MEF2C: variants seen among roughly 807,000 people sequenced by gnomAD.
MEF2C encodes myocyte-specific enhancer factor 2C.
In MEF2C, 6 loss-of-function variants were observed where a neutral mutation model predicts 50.5. The ratio of observed to expected loss-of-function variants is 0.12; its 90% CI spans 0.07 to 0.23. The LOEUF is 0.23. Among genes scored for constraint, MEF2C ranks in the 10% least tolerant of loss-of-function variants. MEF2C has a pLI of 1.00. For missense variants in MEF2C, 276 were observed against 605.0 expected (o/e 0.46, Z 5.70); for synonymous variants, 183 against 228.0 (o/e 0.80, Z 1.78).
At chr5:88,902,321 G>T (rs557772476) in intron 1 of MEF2C, among the ~76,000 whole-genome samples, 16 of 151,716 alleles carry the variant, frequency 1.1e-4, no homozygotes, top group African/African-American at 3.9e-4. Flanking sequence ...GCTTGAAATC[G>T]CAATAAATAC....
chr5:88,803,237 C>T (rs1045828231), intron 3 of MEF2C, among the ~76,000 whole-genome samples: 1 of 152,168 alleles, frequency 6.6e-6, no homozygotes, highest in Non-Finnish European at 1.5e-5. Context: ...GTATTTTAAG[C>T]ACATATCACC....
chr5:88,832,991 C>T (rs1561255400), intron 1 of MEF2C, among the ~76,000 whole-genome samples: 1 of 152,074 alleles, frequency 6.6e-6, no homozygotes, highest in Non-Finnish European at 1.5e-5. Flanking sequence ...GGACATTAGC[C>T]TTGATGGGAC....
chr5:88,730,332 C>T, intron 7 of MEF2C, 98 bp from the exon 8 acceptor site: 3 of 1,314,646 alleles, frequency 2.3e-6, no homozygotes, highest in Non-Finnish European at 3.2e-6. Context: ...TTCCGATAGA[C>T]ACAACAGTTT....
intron 3 of MEF2C, among the ~76,000 whole-genome samples, chr5:88,795,607 C>G (rs539376673): frequency 9.1e-4 from 138 of 152,314 alleles, no homozygotes; most frequent in African/African-American, 3.2e-3. Context: ...TTGACTTCTT[C>G]TTTTCCTATT....
chr5:88,823,973 C>A (rs760524051), intron 1 of MEF2C, 43 bp from the exon 2 acceptor site: 1 of 1,380,148 alleles, frequency 7.2e-7, no homozygotes, highest in South Asian at 2.0e-5. Flanking sequence ...AACAGCAAGT[C>A]AGTTTCATAA....
At chr5:88,779,867 G>T (rs544656456) in intron 3 of MEF2C, among the ~76,000 whole-genome samples, 9 of 151,780 alleles carry the variant, frequency 5.9e-5, no homozygotes, top group African/African-American at 1.7e-4. Context: ...GCCAGGCACA[G>T]TGTCTCATGT....
intron 3 of MEF2C, chr5:88,769,832 G>T: frequency 2.8e-6 from 1 of 353,486 alleles, no homozygotes; most frequent in Non-Finnish European, 4.0e-6. Context: ...TTTTGGTAGA[G>T]ATGGGGTCTC....
At chr5:88,869,520 TACC>T (rs1828844573) in intron 1 of MEF2C, among the ~76,000 whole-genome samples, 1 of 151,474 alleles carries the variant, frequency 6.6e-6, no homozygotes, top group African/African-American at 2.4e-5. Context: ...GATATTTAAA[TACC>T]ATGAACTGTA....
intron 6 of MEF2C, chr5:88,735,660 G>C (rs534489529): frequency 2.8e-4 from 271 of 985,172 alleles, no homozygotes; most frequent in Non-Finnish European, 3.0e-4. Flanking sequence ...ACTCATATTA[G>C]TGTCAATACA....
At chr5:88,811,636 G>A (rs566948559) in intron 2 of MEF2C, among the ~76,000 whole-genome samples, 30 of 151,972 alleles carry the variant, frequency 2.0e-4, no homozygotes, top group Middle Eastern at 3.4e-3. Flanking sequence ...ATACATTATC[G>A]CCTCTAATTT....
chr5:88,735,898 G>C (rs1380424299), intron 6 of MEF2C: 25 of 985,218 alleles, frequency 2.5e-5, no homozygotes, highest in Non-Finnish European at 2.9e-5. Context: ...TTATTTGGAT[G>C]TTTAGGCATT....
At chr5:88,838,037 T>G (rs1252158991) in intron 1 of MEF2C, among the ~76,000 whole-genome samples, 1 of 152,000 alleles carries the variant, frequency 6.6e-6, no homozygotes, top group Non-Finnish European at 1.5e-5. Flanking sequence ...AGAGCTATAA[T>G]CAATATCAAT....
In MEF2C at chr5:88,717,244, C is replaced by T. The variant is rs1255950591; in HGVS notation, c.*5360G>A. 5 of 152,224 alleles carry T rather than the reference C, an allele frequency of 3.3e-5. No homozygotes were observed. Among genetic ancestry groups the T allele is most frequent in the African/African-American group, 4.8e-5 (2 of 41,456 alleles). The allele number at this position is 152,224 out of a possible 1,614,324, so 9.4% of individuals were successfully genotyped here. A position where few individuals can be genotyped will look rare whatever the true frequency, so the allele number is the denominator to read the frequency against. On this transcript the variant is annotated 3_prime_UTR_variant, in exon 11 of 11. Transcript: ENST00000504921. The stretch of plus-strand genomic sequence containing the variant: ...ACATGCCCACAAACAGCTTTGAACT[C>T]ATCCCCTTCTGGGCCTTTCTCAATC...
intron 1 of MEF2C, among the ~76,000 whole-genome samples, chr5:88,898,365 T>C (rs1431462473): frequency 2.6e-5 from 4 of 152,172 alleles, no homozygotes; most frequent in Admixed American, 6.6e-5. Context: ...AATCGGTTCA[T>C]TGGGTCCTGA....
At chr5:88,873,480 A>G (rs1830132602) in intron 1 of MEF2C, among the ~76,000 whole-genome samples, 2 of 152,026 alleles carry the variant, frequency 1.3e-5, no homozygotes, top group Non-Finnish European at 2.9e-5. Flanking sequence ...AAACAATGAA[A>G]ACGGAAGGAA....
intron 10 of MEF2C, among the ~76,000 whole-genome samples, chr5:88,727,573 T>C (rs1759434069): frequency 6.6e-6 from 1 of 152,140 alleles, no homozygotes; most frequent in South Asian, 2.1e-4. Flanking sequence ...AGTTAACTAA[T>C]ACAGCTAAGT....
chr5:88,830,547 T>C (rs950785805), intron 1 of MEF2C, among the ~76,000 whole-genome samples: 2 of 152,050 alleles, frequency 1.3e-5, no homozygotes, highest in African/African-American at 4.8e-5. Context: ...TATTTTGTCT[T>C]GGACACTTTT....
At chr5:88,811,174 T>C (rs901286331) in intron 2 of MEF2C, among the ~76,000 whole-genome samples, 6 of 152,106 alleles carry the variant, frequency 3.9e-5, no homozygotes, top group Non-Finnish European at 7.4e-5. Context: ...CAGACTGATG[T>C]AGGGTCTGAG....
chr5:88,770,099 G>A (rs1366194173), intron 3 of MEF2C: 3 of 622,540 alleles, frequency 4.8e-6, no homozygotes, highest in African/African-American at 2.0e-5. Context: ...CAAAGGTTGA[G>A]AGAGGAAAGG....
Sources: gnomAD v4.1 joint callset for allele counts (sites outside exome capture counted in the v4.1 genomes callset) on GRCh38, gnomAD v4.1.1 for gene constraint, MANE v1.5 for transcripts, NCBI Gene and HGNC (gene_info 2026-07-23, HGNC 2026-07-21) for gene names.